PTPRN2: variants seen among roughly 807,000 people sequenced by gnomAD.
The protein encoded by PTPRN2 is protein tyrosine phosphatase receptor type N2, also known as receptor-type tyrosine-protein phosphatase N2.
PTPRN2 carries 74 observed loss-of-function variants against 118.8 expected under a neutral mutation model. The ratio of observed to expected loss-of-function variants is 0.62; its 90% CI spans 0.52 to 0.76. The LOEUF is 0.76. Ranked by LOEUF, PTPRN2 falls within the 30% of genes least tolerant of loss-of-function variation. The probability of loss-of-function intolerance (pLI) is 0.00; values close to 1 mark genes in which losing one functional copy is unlikely to be tolerated. For missense variants in PTPRN2, 1,481 were observed against 1,394.4 expected, an observed-to-expected ratio of 1.06 and a Z score of -0.99; for synonymous variants, 641 against 608.0, an observed-to-expected ratio of 1.05 and a Z score of -0.80.
At chr7:158,131,284 A>C (rs1818248229) in intron 9 of PTPRN2, among the ~76,000 whole-genome samples, 1 of 151,748 alleles carries the variant, frequency 6.6e-6, no homozygotes, top group Non-Finnish European at 1.5e-5. Flanking sequence ...CAAATACCTG[A>C]ACAGATGCAC....
At chr7:157,951,819 G>A (rs753947296) in intron 11 of PTPRN2, among the ~76,000 whole-genome samples, 5 of 152,180 alleles carry the variant, frequency 3.3e-5, no homozygotes, top group Non-Finnish European at 7.4e-5. Flanking sequence ...GATCAGGTGG[G>A]GCCTGAGTCC....
intron 10 of PTPRN2, among the ~76,000 whole-genome samples, chr7:158,091,920 TTGGGTGGGTGGGTGGA>T (rs1814197051): frequency 1.5e-5 from 1 of 66,078 alleles, no homozygotes; most frequent in Non-Finnish European, 2.9e-5. Flanking sequence ...AGAGAGATGG[TTGGGTGGGTGGGTGGA>T]TGGGTGAGGG....
intron 5 of PTPRN2, among the ~76,000 whole-genome samples, chr7:158,170,982 TATATATATACACATAC>T (rs1361128495): frequency 9.4e-4 from 139 of 147,398 alleles, no homozygotes; most frequent in African/African-American, 3.5e-3. Context: ...TATACATACA[TATATATATACACATAC>T]ATATATATAT....
At chr7:158,069,324 C>A (rs919449088) in intron 11 of PTPRN2, among the ~76,000 whole-genome samples, 1 of 152,214 alleles carries the variant, frequency 6.6e-6, no homozygotes, top group African/African-American at 2.4e-5. Context: ...CCACCTCAAC[C>A]TCCTGTGTGG....
chr7:158,147,356 G>A (rs1366314108), intron 6 of PTPRN2, among the ~76,000 whole-genome samples: 2 of 49,248 alleles, frequency 4.1e-5, no homozygotes, highest in African/African-American at 1.5e-4. Flanking sequence ...CTCACGCCAC[G>A]TATCTTTCCC....
intron 6 of PTPRN2, among the ~76,000 whole-genome samples, chr7:158,139,611 AAGG>A (rs1386003063): frequency 6.6e-6 from 1 of 152,034 alleles, no homozygotes; most frequent in Non-Finnish European, 1.5e-5. Flanking sequence ...AATAAAATGC[AAGG>A]AGAACCACGC....
At chr7:158,051,311 T>C (rs1809307466) in intron 11 of PTPRN2, among the ~76,000 whole-genome samples, 2 of 152,138 alleles carry the variant, frequency 1.3e-5, no homozygotes, top group Non-Finnish European at 1.5e-5. Context: ...TGTAACCCAG[T>C]TCTTAGGCTA....
chr7:158,002,373 G>A (rs760366935), intron 11 of PTPRN2, among the ~76,000 whole-genome samples: 27 of 152,086 alleles, frequency 1.8e-4, no homozygotes, highest in Non-Finnish European at 2.8e-4. Context: ...ACAGAGTTTC[G>A]GCCCCTAAAA....
chr7:157,657,977 C>A (rs561881897), intron 13 of PTPRN2, among the ~76,000 whole-genome samples: 1 of 148,502 alleles, frequency 6.7e-6, no homozygotes, highest in Non-Finnish European at 1.5e-5. Flanking sequence ...ACACACACAC[C>A]ACACACACGT....
At position 158,376,711 on chromosome 7, in the gene PTPRN2, C is replaced by T. The variant is rs544913382; in HGVS notation, c.164-59779G>A. ...CTGTCACACGTCCTGCACGCGGGGTCAGGGGACTCTCCCACAGCCCTGTCA... is the reference window on the plus strand; with the variant it reads ...CTGTCACACGTCCTGCACGCGGGGTTAGGGGACTCTCCCACAGCCCTGTCA... On this transcript the variant is annotated intron_variant, in intron 2 of 22. Transcript: ENST00000389418. Among the ~76,000 whole-genome samples, 183 of 121,554 alleles carry T rather than the reference C, an allele frequency of 1.5e-3. 1 individual carries two copies. Among genetic ancestry groups the T allele is most frequent in the African/African-American group, 5.7e-3 (169 of 29,576 alleles). The allele number at this position is 121,554 out of a possible 152,430, so 79.7% of individuals were successfully genotyped here.
At chr7:158,448,369 CCCCCCAAA>C (rs1817869863) in intron 2 of PTPRN2, among the ~76,000 whole-genome samples, 1 of 152,172 alleles carries the variant, frequency 6.6e-6, no homozygotes, top group East Asian at 1.9e-4. Flanking sequence ...AGCATGAAAA[CCCCCCAAA>C]AAGAGAAGAG....
In PTPRN2 at chr7:157,761,712, G is replaced by A. The variant is rs187234809; in HGVS notation, c.1789-78775C>T. 1.1e-4 allele frequency among the ~76,000 whole-genome samples: 17 copies of A among 148,660 alleles called. 1 individual carries two copies. Among genetic ancestry groups the A allele is most frequent in the South Asian group, 1.1e-3 (5 of 4,548 alleles). Reference sequence around the variant, plus strand: ...TGGGCAAGGACTTCATGTCTAAAACGCCAAAAGCAATGGCAACAGAAGACA... The same window carrying A: ...TGGGCAAGGACTTCATGTCTAAAACACCAAAAGCAATGGCAACAGAAGACA... On this transcript the variant is annotated intron_variant, in intron 12 of 22. Transcript: ENST00000389418.
At chr7:157,758,445 C>G (rs1221359919) in intron 12 of PTPRN2, among the ~76,000 whole-genome samples, 3 of 152,216 alleles carry the variant, frequency 2.0e-5, no homozygotes, top group Non-Finnish European at 4.4e-5. Context: ...GTCAGCTCAG[C>G]CGGGCTGGGA....
chr7:157,871,077 G>T (rs1811018816), intron 12 of PTPRN2, among the ~76,000 whole-genome samples: 1 of 152,184 alleles, frequency 6.6e-6, no homozygotes, highest in African/African-American at 2.4e-5. Flanking sequence ...GGGCCTCAGG[G>T]CTGCCTGGAC....
intron 6 of PTPRN2, among the ~76,000 whole-genome samples, chr7:158,149,579 G>C (rs977718293): frequency 6.6e-6 from 1 of 152,136 alleles, no homozygotes; most frequent in Non-Finnish European, 1.5e-5. Flanking sequence ...GAGGTGGGTG[G>C]ATCACCTGAG....
At chr7:157,575,360 C>T (rs147775099) in intron 19 of PTPRN2, among the ~76,000 whole-genome samples, 55 of 152,172 alleles carry the variant, frequency 3.6e-4, no homozygotes, top group African/African-American at 9.6e-4. Flanking sequence ...AGGAAGGAGC[C>T]GTGTACAGTA....
chr7:158,580,246 T>A (rs1312966448), intron 1 of PTPRN2, among the ~76,000 whole-genome samples: 2 of 152,256 alleles, frequency 1.3e-5, no homozygotes, highest in African/African-American at 4.8e-5. Context: ...TAACTGCTGC[T>A]TTGAGCTGGA....
Position 158,281,994 on chromosome 7 carries a change from G to A in PTPRN2, c.277+34825C>T, listed in dbSNP as rs140552617. The stretch of plus-strand genomic sequence containing the variant: ...CATCGTCTCCCAGACATTTTGGGTC[G>A]CATGGAAATCTGCCTCTTAAGAGAC... On this transcript the variant is annotated intron_variant, in intron 3 of 22. Transcript: ENST00000389418. 4.5e-3 allele frequency among the ~76,000 whole-genome samples: 681 copies of A among 152,250 alleles called. 2 individuals carry two copies. The highest frequency in any genetic ancestry group is 0.014 in the Middle Eastern group (4 of 294).
At chr7:158,286,483 G>A (rs1799779441) in intron 3 of PTPRN2, among the ~76,000 whole-genome samples, 1 of 152,146 alleles carries the variant, frequency 6.6e-6, no homozygotes, top group Non-Finnish European at 1.5e-5. Flanking sequence ...TGTTATCTGT[G>A]AGTTTGTCAT....
Sources: allele counts gnomAD v4.1 joint callset (sites outside exome capture counted in the v4.1 genomes callset), GRCh38; gene constraint gnomAD v4.1.1; transcripts MANE v1.5; gene names NCBI Gene and HGNC (gene_info 2026-07-23, HGNC 2026-07-21).